Variants in CFAP299 observed in about 807,000 individuals in gnomAD.
The protein encoded by CFAP299 is cilia- and flagella-associated protein 299.
A neutral mutation model predicts 27.0 loss-of-function variants in CFAP299; 21 were observed. The ratio of observed to expected loss-of-function variants is 0.78; its 90% confidence interval spans 0.55 to 1.12. CFAP299 has a LOEUF of 1.12. CFAP299 is among the 50% of genes most tolerant of loss of function. The pLI, the probability that CFAP299 is intolerant of heterozygous loss-of-function variation, is 0.00. For synonymous variants in CFAP299, 104 were observed against 98.1 expected (o/e 1.06, Z -0.36); for missense variants, 310 against 276.6 (o/e 1.12, Z -0.86).
chr4:80,857,012 G>A (rs998925481), intron 3 of CFAP299, among the ~76,000 whole-genome samples: 2 of 151,870 alleles, frequency 1.3e-5, no homozygotes, highest in African/African-American at 2.4e-5. Context: ...CCATTTTCAC[G>A]ATATTGATTC....
chr4:80,780,173 C>A (rs970231998), intron 3 of CFAP299, among the ~76,000 whole-genome samples: 2 of 152,044 alleles, frequency 1.3e-5, no homozygotes, highest in African/African-American at 4.8e-5. Flanking sequence ...ACAAACTCTA[C>A]GAGGTTTTCT....
At chr4:80,438,216 T>C (rs1174037822) in intron 2 of CFAP299, among the ~76,000 whole-genome samples, 2 of 152,196 alleles carry the variant, frequency 1.3e-5, no homozygotes, top group Non-Finnish European at 2.9e-5. Flanking sequence ...CAGACCTCAC[T>C]AAGATAACAT....
chr4:80,729,606 T>TA (rs1433397880), intron 3 of CFAP299, among the ~76,000 whole-genome samples: 1 of 140,060 alleles, frequency 7.1e-6, no homozygotes, highest in African/African-American at 2.7e-5. Flanking sequence ...TTTTTTTTTT[T>TA]TTTTTTTTTT....
chr4:80,850,139 G>C (rs1029904390), intron 3 of CFAP299, among the ~76,000 whole-genome samples: 24 of 152,052 alleles, frequency 1.6e-4, no homozygotes, highest in Non-Finnish European at 3.2e-4. Flanking sequence ...TGATTCTATA[G>C]CTCAGCTGTG....
At chr4:80,386,600 A>G in intron 2 of CFAP299, 1 of 1,596,972 alleles carries the variant, frequency 6.3e-7, no homozygotes. Context: ...TTTGTGGCGG[A>G]AAAAGCCCTT....
At chr4:80,689,623 A>G (rs972931365) in intron 3 of CFAP299, among the ~76,000 whole-genome samples, 1 of 152,180 alleles carries the variant, frequency 6.6e-6, no homozygotes, top group Non-Finnish European at 1.5e-5. Flanking sequence ...ACTAGGCAGA[A>G]ACTGCATCAA....
rs1417842894 is a variant in CFAP299 at position 80,859,265 on chromosome 4, A to C, written c.334-10728A>C. Among the ~76,000 whole-genome samples the C allele has an allele frequency of 4.6e-5, 7 of 152,076 alleles. No individual in the cohort carries two copies. The East Asian group carries it at 7.7e-4, about 17-fold the overall frequency. On this transcript the variant is annotated intron_variant, in intron 3 of 5. Transcript: ENST00000358105. ...TTTTTTTGTTTTCCATTTGCTTGGT[A>C]GATCTTCCTCCATCCTTTTATTTTG...
At chr4:80,701,810 T>C (rs1392908705) in intron 3 of CFAP299, among the ~76,000 whole-genome samples, 2 of 152,010 alleles carry the variant, frequency 1.3e-5, no homozygotes, top group East Asian at 1.9e-4. Flanking sequence ...TTCTACTTTT[T>C]ACAGGCAAAT....
intron 2 of CFAP299, among the ~76,000 whole-genome samples, chr4:80,558,361 TGTTTG>T (rs1215664783): frequency 1.4e-5 from 2 of 140,238 alleles, no homozygotes; most frequent in African/African-American, 2.8e-5. Context: ...TTTGTTTGTT[TGTTTG>T]TTTTTTTTTT....
intron 3 of CFAP299, among the ~76,000 whole-genome samples, chr4:80,651,657 G>T (rs1740305041): frequency 6.6e-6 from 1 of 150,982 alleles, no homozygotes; most frequent in Non-Finnish European, 1.5e-5. Flanking sequence ...GAGCCACCGT[G>T]CCCGGGCGAA....
At chr4:80,614,422 C>G (rs1738166703) in intron 3 of CFAP299, among the ~76,000 whole-genome samples, 1 of 152,138 alleles carries the variant, frequency 6.6e-6, no homozygotes, top group South Asian at 2.1e-4. Flanking sequence ...AACTAAGGCA[C>G]TTCTATTGAA....
chr4:80,504,505 A>ATATATATTTT (rs1483255216), intron 2 of CFAP299, among the ~76,000 whole-genome samples: 4 of 110,182 alleles, frequency 3.6e-5, no homozygotes, highest in South Asian at 2.9e-4. Flanking sequence ...ATATATATAT[A>ATATATATTTT]TTTTCCTTTG....
chr4:80,705,004 G>A (rs552800806), intron 3 of CFAP299, among the ~76,000 whole-genome samples: 1 of 151,864 alleles, frequency 6.6e-6, no homozygotes, highest in South Asian at 2.1e-4. Flanking sequence ...TTTACTATAG[G>A]ATAAAGTAGA....
chr4:80,861,423 TG>T (rs1732349756), intron 3 of CFAP299, among the ~76,000 whole-genome samples: 1 of 152,180 alleles, frequency 6.6e-6, no homozygotes, highest in Non-Finnish European at 1.5e-5. Context: ...CCCACTGACC[TG>T]TGCCCACTGT....
At chr4:80,560,512 G>C (rs1055310592) in intron 2 of CFAP299, among the ~76,000 whole-genome samples, 3 of 152,078 alleles carry the variant, frequency 2.0e-5, no homozygotes, top group Non-Finnish European at 4.4e-5. Flanking sequence ...TGGGCTTTTG[G>C]GGTCCCCGAT....
chr4:80,428,332 T>A (rs1560563025), intron 2 of CFAP299, among the ~76,000 whole-genome samples: 3 of 152,228 alleles, frequency 2.0e-5, no homozygotes, highest in African/African-American at 7.2e-5. Context: ...AAAAGCCTAT[T>A]CTAAATTGGA....
chr4:80,504,872 T>G (rs1247556843), intron 2 of CFAP299, among the ~76,000 whole-genome samples: 4 of 147,934 alleles, frequency 2.7e-5, no homozygotes, highest in Admixed American at 1.4e-4. Context: ...GAGTATATAT[T>G]CATCCCCCTA....
intron 3 of CFAP299, among the ~76,000 whole-genome samples, chr4:80,721,564 T>C (rs969187007): frequency 3.9e-5 from 6 of 152,316 alleles, no homozygotes; most frequent in South Asian, 2.1e-4. Context: ...TTAAGTACTC[T>C]ATCTCTAAAT....
intron 3 of CFAP299, among the ~76,000 whole-genome samples, chr4:80,748,378 C>A (rs1724739838): frequency 6.6e-6 from 1 of 152,018 alleles, no homozygotes; most frequent in South Asian, 2.1e-4. Flanking sequence ...TTTAACATGT[C>A]TTTAGGGTAA....
Sources: gnomAD v4.1 joint callset for allele counts (sites outside exome capture counted in the v4.1 genomes callset) on GRCh38, gnomAD v4.1.1 for gene constraint, MANE v1.5 for transcripts, NCBI Gene and HGNC (gene_info 2026-07-23, HGNC 2026-07-21) for gene names.